The following CTNNA2 variants were observed in gnomAD, a reference collection of about 807,000 sequenced individuals.
CTNNA2 encodes the protein catenin alpha 2, also known as catenin alpha-2.
In CTNNA2, 42 loss-of-function variants were observed where a neutral mutation model predicts 101.0. That is an observed-to-expected ratio of 0.42 (90% CI 0.32 to 0.54). The LOEUF is 0.54. Ranked by LOEUF, CTNNA2 falls within the 20% of genes least tolerant of loss-of-function variation. The probability of loss-of-function intolerance (pLI) is 0.14; values close to 1 mark genes in which losing one functional copy is unlikely to be tolerated. For missense variants in CTNNA2, 871 were observed against 1,223.1 expected, an observed-to-expected ratio of 0.71 and a Z score of 4.29; for synonymous variants, 450 against 456.4, an observed-to-expected ratio of 0.99 and a Z score of 0.18.
intron 2 of CTNNA2, among the ~76,000 whole-genome samples, chr2:79,674,664 G>A (rs926438616): frequency 3.9e-5 from 6 of 152,054 alleles, no homozygotes; most frequent in African/African-American, 7.2e-5. Flanking sequence ...CTATGTAAGC[G>A]AACAGATGAA....
chr2:80,458,291 G>A (rs1464167711), intron 9 of CTNNA2, among the ~76,000 whole-genome samples: 3 of 152,094 alleles, frequency 2.0e-5, no homozygotes, highest in Admixed American at 6.5e-5. Flanking sequence ...GATGTATTTT[G>A]TAGTTAATAT....
chr2:79,574,416 T>A (rs1675658684), intron 1 of CTNNA2, among the ~76,000 whole-genome samples: 1 of 152,156 alleles, frequency 6.6e-6, no homozygotes, highest in African/African-American at 2.4e-5. Flanking sequence ...CTTTTCTTTG[T>A]GTCCATGTGT....
Position 79,338,611 on chromosome 2 carries a change from T to TTCTTCC in CTNNA2, c.-318+25820_-318+25821insCTCTTC, listed in dbSNP as rs2104425914. 2.0e-5 allele frequency among the ~76,000 whole-genome samples: 3 copies of TTCTTCC among 149,680 alleles called. No homozygotes were observed. The South Asian group carries it at 6.5e-4, about 33-fold the overall frequency. ...CTTCTTCTTCTTCTTCTTCTTCTTC[T>TTCTTCC]TCTTCTTCTTCTTCTTCTTCTTCTT... On this transcript the variant is annotated intron_variant, in intron 3 of 21. Coordinates refer to the CTNNA2 transcript ENST00000466387.
chr2:80,082,404 A>G (rs191303757), intron 7 of CTNNA2, among the ~76,000 whole-genome samples: 14 of 152,298 alleles, frequency 9.2e-5, no homozygotes, highest in Non-Finnish European at 1.6e-4. Flanking sequence ...TGAATGAACA[A>G]ATACATGAAA....
intron 2 of CTNNA2, among the ~76,000 whole-genome samples, chr2:79,699,728 T>A (rs2104748266): frequency 6.7e-6 from 1 of 149,556 alleles, no homozygotes; most frequent in South Asian, 2.1e-4. Flanking sequence ...AACTAAAAAA[T>A]TTTGATGCTA....
chr2:80,413,702 T>G (rs1679788445), intron 8 of CTNNA2, among the ~76,000 whole-genome samples: 1 of 152,222 alleles, frequency 6.6e-6, no homozygotes, highest in South Asian at 2.1e-4. Flanking sequence ...TCAGTCACTT[T>G]GTTGCTTTGA....
intron 7 of CTNNA2, among the ~76,000 whole-genome samples, chr2:80,158,370 A>T (rs2148939903): frequency 6.6e-6 from 1 of 152,344 alleles, no homozygotes; most frequent in South Asian, 2.1e-4. Flanking sequence ...TGTCATAAAT[A>T]ATACAAAGAG....
At chr2:80,278,432 A>G (rs1448096342) in intron 7 of CTNNA2, among the ~76,000 whole-genome samples, 2 of 151,954 alleles carry the variant, frequency 1.3e-5, no homozygotes, top group African/African-American at 4.8e-5. Context: ...TGAAGTTCTC[A>G]CCCATGGTCT....
At chr2:80,159,939 CT>C (rs926840953) in intron 7 of CTNNA2, among the ~76,000 whole-genome samples, 1 of 148,926 alleles carries the variant, frequency 6.7e-6, no homozygotes, top group Non-Finnish European at 1.5e-5. Flanking sequence ...CTATTTTTTT[CT>C]AAAAGTTTTA....
intron 7 of CTNNA2, among the ~76,000 whole-genome samples, chr2:80,272,148 C>A (rs565685024): frequency 2.6e-5 from 4 of 152,314 alleles, no homozygotes; most frequent in Admixed American, 2.0e-4. Context: ...GCTTCTTTTC[C>A]CCTTATAAAT....
At chr2:79,444,661 G>A (rs957675755) in intron 4 of CTNNA2, among the ~76,000 whole-genome samples, 1 of 151,976 alleles carries the variant, frequency 6.6e-6, no homozygotes, top group Non-Finnish European at 1.5e-5. Flanking sequence ...TGGCCTTAGT[G>A]ACCTTTTGTT....
At chr2:80,357,237 TTTG>T (rs1481157015) in intron 7 of CTNNA2, among the ~76,000 whole-genome samples, 6 of 140,770 alleles carry the variant, frequency 4.3e-5, no homozygotes, top group African/African-American at 1.6e-4. Flanking sequence ...GCATTTTTTT[TTTG>T]TTTTTTTTTT....
intron 6 of CTNNA2, among the ~76,000 whole-genome samples, chr2:79,887,523 G>A (rs1683972099): frequency 6.6e-6 from 1 of 152,020 alleles, no homozygotes; most frequent in Non-Finnish European, 1.5e-5. Context: ...CCATCAGTAT[G>A]ATTGTTAAAT....
At chr2:79,234,776 C>T (rs1429409773) in intron 2 of CTNNA2, among the ~76,000 whole-genome samples, 1 of 152,086 alleles carries the variant, frequency 6.6e-6, no homozygotes, top group Non-Finnish European at 1.5e-5. Flanking sequence ...ATTTGAAGAG[C>T]CAGTCTTTAA....
chr2:80,504,216 A>G (rs372623632), intron 9 of CTNNA2, among the ~76,000 whole-genome samples: 1 of 152,164 alleles, frequency 6.6e-6, no homozygotes, highest in South Asian at 2.1e-4. Context: ...TTGAGATTAT[A>G]GAATGGATAT....
At chr2:80,596,003 T>A (rs544275007) in intron 15 of CTNNA2, among the ~76,000 whole-genome samples, 1 of 152,298 alleles carries the variant, frequency 6.6e-6, no homozygotes, top group East Asian at 1.9e-4. Flanking sequence ...GAGCATGGAA[T>A]GTTTTTCCAT....
intron 6 of CTNNA2, among the ~76,000 whole-genome samples, chr2:79,898,208 A>G (rs1684844657): frequency 6.6e-6 from 1 of 151,960 alleles, no homozygotes; most frequent in South Asian, 2.1e-4. Flanking sequence ...ATCTCAGCTC[A>G]TTGCAACCTC....
chr2:80,096,352 C>T (rs935294797), intron 7 of CTNNA2, among the ~76,000 whole-genome samples: 1 of 152,138 alleles, frequency 6.6e-6, no homozygotes, highest in Non-Finnish European at 1.5e-5. Context: ...AGTTTGATTG[C>T]ACTGTGGTCT....
intron 12 of CTNNA2, among the ~76,000 whole-genome samples, chr2:80,560,318 A>AG (rs1315660979): frequency 6.6e-6 from 1 of 152,166 alleles, no homozygotes; most frequent in African/African-American, 2.4e-5. Flanking sequence ...TCTTATTGAG[A>AG]GGGTACATTT....
Sources: gnomAD v4.1 joint callset for allele counts (sites outside exome capture counted in the v4.1 genomes callset) on GRCh38, gnomAD v4.1.1 for gene constraint, MANE v1.5 for transcripts, NCBI Gene and HGNC (gene_info 2026-07-23, HGNC 2026-07-21) for gene names.